POLR2J: variants seen among roughly 807,000 people sequenced by gnomAD.
POLR2J encodes DNA-directed RNA polymerase II subunit RPB11-a.
Under a neutral mutation model 13.4 loss-of-function variants are expected in POLR2J, and 12 were observed. The ratio of observed to expected loss-of-function variants is 0.90; its 90% CI spans 0.57 to 1.45. The LOEUF (loss-of-function observed/expected upper bound fraction) is 1.45, where lower values mean the gene tolerates loss of function less well. Ranked by LOEUF, POLR2J falls within the 40% of genes most tolerant of loss-of-function variation. The pLI is 0.00. For synonymous variants in POLR2J, 31 were observed against 53.6 expected (o/e 0.58, Z 1.84); for missense variants, 58 against 132.0 (o/e 0.44, Z 2.75).
Position 102,473,635 on chromosome 7 carries a change from G to A in POLR2J, c.*14C>T, listed in dbSNP as rs1563660909. On this transcript the variant is annotated 3_prime_UTR_variant, in exon 4 of 4. Transcript: ENST00000292614. Reference sequence around the variant, plus strand: ...GAACGGGGCTCACAGGCCGAGCAGAGCCCCCTCTGGCCCCTACTCAATTCC... The same window carrying A: ...GAACGGGGCTCACAGGCCGAGCAGAACCCCCTCTGGCCCCTACTCAATTCC... 3 of 1,613,724 alleles carry A rather than the reference G, an allele frequency of 1.9e-6. No individual in the cohort carries two copies. The highest frequency in any genetic ancestry group is 3.3e-5 in the Admixed American group (2 of 59,994).
chr7:102,473,458 C>A lies in POLR2J; in HGVS notation c.*191G>T, dbSNP rs1478988849. 1.5e-6 allele frequency: 1 copy of A among 667,468 alleles called. No homozygotes were observed. The highest frequency in any genetic ancestry group is 4.3e-5 in the Admixed American group (1 of 23,058). 41.3% of individuals were successfully genotyped at this position (667,468 alleles called of 1,614,324 possible). ...CCGCTGCTCAAGTCCACATCCAGGTCTCTCCCGCTATACTTTATTAGGAAT... is the reference window on the plus strand; with the variant it reads ...CCGCTGCTCAAGTCCACATCCAGGTATCTCCCGCTATACTTTATTAGGAAT... On this transcript the variant is annotated 3_prime_UTR_variant, in exon 4 of 4. Transcript: ENST00000292614.
chr7:102,474,099 G>A (rs1340868041), intron 3 of POLR2J: 13 of 1,473,328 alleles, frequency 8.8e-6, no homozygotes, highest in East Asian at 2.5e-5. Context: ...AGGACAGTAG[G>A]TCCCCGCCCC....
At chr7:102,473,718 G>C in intron 3 of POLR2J, 34 bp from the exon 4 acceptor site, 2 of 1,613,304 alleles carry the variant, frequency 1.2e-6, no homozygotes, top group African/African-American at 1.3e-5. Context: ...GACTGAGCTG[G>C]AACAGCTGGG....
At position 102,473,261 on chromosome 7, in the gene POLR2J, C is replaced by A; in HGVS notation, c.*388G>T. ...GGAGTTGAGGCTTCTAGAGCAGAGA[C>A]TCTTGGGAGCTCATGGGTTTGCACA... On this transcript the variant is annotated 3_prime_UTR_variant, in exon 4 of 4. Coordinates refer to ENST00000292614, the MANE Select transcript of POLR2J (RefSeq NM_006234.6). 1 of 635,502 alleles carries A rather than the reference C, an allele frequency of 1.6e-6. No homozygotes were observed. Among genetic ancestry groups the A allele is most frequent in the Non-Finnish European group, 2.6e-6 (1 of 378,678 alleles). The allele number at this position is 635,502 out of a possible 1,614,324, so 39.4% of individuals were successfully genotyped here.
chr7:102,473,428 A>C lies in POLR2J; in HGVS notation c.*221T>G. On this transcript the variant is annotated 3_prime_UTR_variant, in exon 4 of 4. Transcript: ENST00000292614. Reference sequence around the variant, plus strand: ...AGCCTGACAATCCATTTGCTTGCGAAGTCACCGCTGCTCAAGTCCACATCC... The same window carrying C: ...AGCCTGACAATCCATTTGCTTGCGACGTCACCGCTGCTCAAGTCCACATCC... 3 of 623,788 alleles carry C rather than the reference A, an allele frequency of 4.8e-6. No individual in the cohort carries two copies. Among genetic ancestry groups the C allele is most frequent in the Non-Finnish European group, 7.6e-6 (3 of 393,442 alleles). 38.6% of individuals were successfully genotyped at this position (623,788 alleles called of 1,614,324 possible).
At position 102,473,402 on chromosome 7, in the gene POLR2J, A is replaced by AGCCGG; in HGVS notation, c.*246_*247insCCGGC. 1.7e-6 allele frequency: 1 copy of AGCCGG among 605,692 alleles called. No individual in the cohort carries two copies. Among genetic ancestry groups the AGCCGG allele is most frequent in the Non-Finnish European group, 2.8e-6 (1 of 359,926 alleles). The allele number at this position is 605,692 out of a possible 1,614,324, so 37.5% of individuals were successfully genotyped here. On this transcript the variant is annotated 3_prime_UTR_variant, in exon 4 of 4. Coordinates refer to ENST00000292614, the MANE Select transcript of POLR2J (RefSeq NM_006234.6). ...CTGAAACAGGTCATCTGCCTGCATC[A>AGCCGG]AGCCTGACAATCCATTTGCTTGCGA...
Position 102,473,511 on chromosome 7 carries a change from G to A in POLR2J, c.*138C>T, listed in dbSNP as rs1355586236. On this transcript the variant is annotated 3_prime_UTR_variant, in exon 4 of 4. Transcript: ENST00000292614. ...AAAACCTAATCTATGTACAGGACAC[G>A]TCGGTGTCAGGGTGAGGGGTGGCCA... 9 of 1,312,628 alleles carry A rather than the reference G, an allele frequency of 6.9e-6. No homozygotes were observed. Among genetic ancestry groups the A allele is most frequent in the Non-Finnish European group, 9.4e-6 (9 of 957,658 alleles). 81.3% of individuals were successfully genotyped at this position (1,312,628 alleles called of 1,614,324 possible).
chr7:102,475,181 G>A (rs1028195456), intron 2 of POLR2J, among the ~76,000 whole-genome samples: 32 of 152,242 alleles, frequency 2.1e-4, no homozygotes, highest in Non-Finnish European at 1.3e-4. Flanking sequence ...TGGGCTCCGG[G>A]CAGGAGTCCT....
Position 102,473,224 on chromosome 7 carries a change from C to G in POLR2J, c.*425G>C, listed in dbSNP as rs74393036. ...GAAGAAGTGTTCCTGCTTTGACTGA[C>G]AGGCAGGCCCAGGAGTTGAGGCTTC... On this transcript the variant is annotated 3_prime_UTR_variant, in exon 4 of 4. Coordinates refer to ENST00000292614, the MANE Select transcript of POLR2J (RefSeq NM_006234.6). 484 of 757,384 alleles carry G rather than the reference C, an allele frequency of 6.4e-4. 3 individuals carry two copies. In the African/African-American group the frequency reaches 6.6e-3, roughly 10 times the overall value. The allele number at this position is 757,384 out of a possible 1,614,324, so 46.9% of individuals were successfully genotyped here. A position where few individuals can be genotyped will look rare whatever the true frequency, so the allele number is the denominator to read the frequency against.
intron 2 of POLR2J, among the ~76,000 whole-genome samples, chr7:102,475,089 G>A (rs1432597722): frequency 6.6e-6 from 1 of 152,108 alleles, no homozygotes; most frequent in African/African-American, 2.4e-5. Context: ...CACCACAAGG[G>A]GGACCCGTGC....
chr7:102,477,088 G>GGA (rs1798453418), intron 1 of POLR2J, among the ~76,000 whole-genome samples: 1 of 127,166 alleles, frequency 7.9e-6, no homozygotes, highest in Non-Finnish European at 1.8e-5. Flanking sequence ...TCCTGACCCT[G>GGA]TGAGTTCCGA....
In POLR2J at chr7:102,473,639, C is replaced by T; in HGVS notation, c.*10G>A. 1 of 1,599,054 alleles carries T rather than the reference C, an allele frequency of 6.3e-7. No homozygotes were observed. Among genetic ancestry groups the T allele is most frequent in the Non-Finnish European group, 8.5e-7 (1 of 1,175,532 alleles). ...GGGGCTCACAGGCCGAGCAGAGCCC[C>T]CTCTGGCCCCTACTCAATTCCTTCC... On this transcript the variant is annotated 3_prime_UTR_variant, in exon 4 of 4. Transcript: ENST00000292614.
intron 3 of POLR2J, chr7:102,473,982 C>G: frequency 7.0e-7 from 1 of 1,434,652 alleles, no homozygotes; most frequent in Non-Finnish European, 9.1e-7. Flanking sequence ...TCCCATGCGC[C>G]CTGCCAGGAA....
chr7:102,473,415 C>CT lies in POLR2J; in HGVS notation c.*233_*234insA. 1 of 586,000 alleles carries CT rather than the reference C, an allele frequency of 1.7e-6. No homozygotes were observed. The highest frequency in any genetic ancestry group is 2.8e-6 in the Non-Finnish European group (1 of 358,678). The allele number at this position is 586,000 out of a possible 1,614,324, so 36.3% of individuals were successfully genotyped here. A position where few individuals can be genotyped will look rare whatever the true frequency, so the allele number is the denominator to read the frequency against. ...TCTGCCTGCATCAAGCCTGACAATCCATTTGCTTGCGAAGTCACCGCTGCT... is the reference window on the plus strand; with the variant it reads ...TCTGCCTGCATCAAGCCTGACAATCCTATTTGCTTGCGAAGTCACCGCTGCT... On this transcript the variant is annotated 3_prime_UTR_variant, in exon 4 of 4. Transcript: ENST00000292614.
At chr7:102,474,715 C>CCA (rs1011199197) in intron 2 of POLR2J, among the ~76,000 whole-genome samples, 180 bp from the exon 3 acceptor site, 26 of 119,270 alleles carry the variant, frequency 2.2e-4, no homozygotes, top group Middle Eastern at 9.2e-3. Flanking sequence ...CCTATCCCCG[C>CCA]CACACACACA....
At chr7:102,474,942 A>G (rs1046673366) in intron 2 of POLR2J, among the ~76,000 whole-genome samples, 20 of 149,924 alleles carry the variant, frequency 1.3e-4, no homozygotes, top group Non-Finnish European at 2.7e-4. Flanking sequence ...GTGGAATGCA[A>G]ATGGAACTCT....
At chr7:102,474,010 G>A in intron 3 of POLR2J, 1 of 1,438,924 alleles carries the variant, frequency 6.9e-7, no homozygotes, top group Non-Finnish European at 9.1e-7. Context: ...GGGCCACCCG[G>A]GGGTGAGCTG....
At chr7:102,474,011 G>A (rs563946887) in intron 3 of POLR2J, 1 of 1,439,046 alleles carries the variant, frequency 6.9e-7, no homozygotes, top group African/African-American at 1.4e-5. Context: ...GGCCACCCGG[G>A]GGTGAGCTGC....
rs763456763 is a variant in POLR2J at position 102,478,790 on chromosome 7, G to A, written c.53+18C>T. The A allele has an allele frequency of 5.0e-6, 8 of 1,610,174 alleles. No homozygotes were observed. In the African/African-American group the frequency reaches 8.0e-5, roughly 16 times the overall value. ...GCAGGCCCGCGCACCTCGGCCCGCC[G>A]CAGCCGGCGTCACTTACTTCTTCTC... On this transcript the variant is annotated intron_variant, in intron 1 of 3. Coordinates refer to ENST00000292614, the MANE Select transcript of POLR2J (RefSeq NM_006234.6).
Sources: allele counts gnomAD v4.1 joint callset (sites outside exome capture counted in the v4.1 genomes callset), GRCh38; gene constraint gnomAD v4.1.1; transcripts MANE v1.5; gene names NCBI Gene and HGNC (gene_info 2026-07-23, HGNC 2026-07-21).